Variants in ZNF765 observed in about 807,000 individuals in gnomAD.
ZNF765 encodes zinc finger protein 765.
A neutral mutation model predicts 44.7 loss-of-function variants in ZNF765; 37 were observed. The ratio of observed to expected loss-of-function variants is 0.83; its 90% CI spans 0.64 to 1.09. ZNF765 has a LOEUF of 1.09. Among genes scored for constraint, ZNF765 ranks in the 50% least tolerant of loss-of-function variants. ZNF765 has a pLI of 0.00. For missense variants in ZNF765, 594 were observed against 626.1 expected, an observed-to-expected ratio of 0.95 and a Z score of 0.55; for synonymous variants, 201 against 213.7, an observed-to-expected ratio of 0.94 and a Z score of 0.52.
At chr19:53,414,179 T>G (rs1281943578), downstream of ZNF765, among the ~76,000 whole-genome samples, 1 of 134,928 alleles carries the variant, frequency 7.4e-6, no homozygotes, top group Admixed American at 9.2e-5. Flanking sequence ...AGGCGGAAGT[T>G]GCAGTGAGCC....
intron 1 of ZNF765, among the ~76,000 whole-genome samples, chr19:53,397,337 A>G (rs1177922500): frequency 2.6e-5 from 4 of 152,192 alleles, no homozygotes; most frequent in South Asian, 2.1e-4. Flanking sequence ...TTCATTAGTG[A>G]TGATTCCAAG....
At chr19:53,420,442 T>A (rs1220448557) in intron 3 of ZNF765, among the ~76,000 whole-genome samples, 1 of 152,230 alleles carries the variant, frequency 6.6e-6, no homozygotes, top group Admixed American at 6.5e-5. Context: ...ATATGTTCTA[T>A]ATTAACACCT....
At chr19:53,412,721 A>T (rs887318565), downstream of ZNF765, among the ~76,000 whole-genome samples, 1 of 152,118 alleles carries the variant, frequency 6.6e-6, no homozygotes, top group Non-Finnish European at 1.5e-5. Context: ...GGGTTTCACC[A>T]TATTGGCCAG....
At chr19:53,422,019 T>C (rs2085910550) in intron 3 of ZNF765, among the ~76,000 whole-genome samples, 1 of 152,122 alleles carries the variant, frequency 6.6e-6, no homozygotes, top group Non-Finnish European at 1.5e-5. Context: ...TGAGGCAGAT[T>C]CCTGTAATTT....
chr19:53,402,329 T>G, intron 3 of ZNF765, 138 bp downstream of exon 3: 1 of 1,436,490 alleles, frequency 7.0e-7, no homozygotes, highest in Non-Finnish European at 9.2e-7. Flanking sequence ...TGATCTCGGC[T>G]CACGGCCAGC....
Position 53,408,200 on chromosome 19 carries a change from C to A in ZNF765, c.645C>A (p.Phe215Leu). The part of the protein sequence containing the change: ...KQEVHMREKS[F>L]QCNDSGKAYN... ...AAGTACATATGAGGGAAAAATCTTT[C>A]CAATGCAATGACAGTGGCAAAGCCT... Residue 215 changes from phenylalanine to leucine, a missense_variant, in exon 4 of 4, where the codon TTC becomes TTA. Phe to Leu is a conservative substitution (Grantham distance 22). Coordinates refer to ENST00000396408, the MANE Select transcript of ZNF765 (RefSeq NM_001040185.3). 3 of 1,614,154 alleles carry A rather than the reference C, an allele frequency of 1.9e-6. No individual in the cohort carries two copies.
At chr19:53,402,986 C>A (rs769526469) in intron 3 of ZNF765, among the ~76,000 whole-genome samples, 6 of 151,964 alleles carry the variant, frequency 3.9e-5, no homozygotes, top group Non-Finnish European at 8.8e-5. Flanking sequence ...ACCACCCTGG[C>A]CAACAGGGTG....
intron 2 of ZNF765, among the ~76,000 whole-genome samples, chr19:53,400,272 A>C (rs570568342): frequency 2.0e-5 from 3 of 152,304 alleles, no homozygotes; most frequent in South Asian, 2.1e-4. Flanking sequence ...GTAAACGTGG[A>C]TAGCTTGCTC....
chr19:53,396,323 T>G (rs113083336), intron 1 of ZNF765, among the ~76,000 whole-genome samples: 7,847 of 151,174 alleles, frequency 0.052, 270 homozygotes, highest in Middle Eastern at 0.12. Context: ...GGAAACTAAG[T>G]ACTAGAGAGA....
downstream of ZNF765, among the ~76,000 whole-genome samples, chr19:53,414,731 T>C (rs1027990340): frequency 6.7e-6 from 1 of 148,856 alleles, no homozygotes; most frequent in East Asian, 2.0e-4. Flanking sequence ...GTTGTCTGTC[T>C]TGGGGAGAAT....
chr19:53,399,362 C>G (rs931639687), intron 2 of ZNF765, among the ~76,000 whole-genome samples: 39 of 151,982 alleles, frequency 2.6e-4, no homozygotes, highest in Admixed American at 2.0e-3. Flanking sequence ...TCAGGCATCT[C>G]CCTTCCCTGT....
chr19:53,403,386 A>T (rs1199673139), intron 3 of ZNF765, among the ~76,000 whole-genome samples: 1 of 151,784 alleles, frequency 6.6e-6, no homozygotes, highest in Non-Finnish European at 1.5e-5. Context: ...TTCATTTCTC[A>T]TTTACTACTT....
At position 53,400,104 on chromosome 19, in the gene ZNF765, A is replaced by G. The variant is rs536529355; in HGVS notation, c.16-1961A>G. Among the ~76,000 whole-genome samples, 5 of 152,216 alleles carry G rather than the reference A, an allele frequency of 3.3e-5. No homozygotes were observed. In the East Asian group the frequency reaches 7.7e-4, roughly 24 times the overall value. ...TGGGATTACAGGCATGAGCCACCGC[A>G]TCTGGCCCCCAGTAGTTATTTTTTC... On this transcript the variant is annotated intron_variant, in intron 2 of 3. Coordinates refer to ENST00000396408, the MANE Select transcript of ZNF765 (RefSeq NM_001040185.3).
At chr19:53,404,758 C>T (rs1431073370) in intron 3 of ZNF765, among the ~76,000 whole-genome samples, 2 of 152,176 alleles carry the variant, frequency 1.3e-5, no homozygotes, top group East Asian at 3.9e-4. Context: ...CCATGCCTGG[C>T]CAGCCTCAAA....
At chr19:53,404,380 T>A (rs1438660918) in intron 3 of ZNF765, among the ~76,000 whole-genome samples, 1 of 152,184 alleles carries the variant, frequency 6.6e-6, no homozygotes, top group Non-Finnish European at 1.5e-5. Context: ...CCGGCCTGTC[T>A]TTTTATTTAC....
chr19:53,406,085 C>G (rs7254693), intron 3 of ZNF765, among the ~76,000 whole-genome samples: 2,543 of 141,322 alleles, frequency 0.018, 100 homozygotes, highest in Admixed American at 0.028. Flanking sequence ...CTGGAGTGCA[C>G]AGGTGCAATC....
At chr19:53,420,743 T>TA (rs748415588) in intron 3 of ZNF765, among the ~76,000 whole-genome samples, 104 of 152,130 alleles carry the variant, frequency 6.8e-4, no homozygotes, top group Admixed American at 2.0e-4. Flanking sequence ...TGTGCTTTGT[T>TA]AAAAAAGTGC....
intron 3 of ZNF765, among the ~76,000 whole-genome samples, chr19:53,417,444 G>A (rs2085882020): frequency 1.3e-5 from 2 of 152,128 alleles, no homozygotes; most frequent in African/African-American, 4.8e-5. Flanking sequence ...CCATGTCCCT[G>A]CAAAGGACAT....
At chr19:53,413,295 A>G, downstream of ZNF765, 2 of 587,174 alleles carry the variant, frequency 3.4e-6, no homozygotes, top group Non-Finnish European at 6.6e-6. Context: ...TAATAAAATC[A>G]GGTACAACTT....
Sources: allele counts gnomAD v4.1 joint callset (sites outside exome capture counted in the v4.1 genomes callset), GRCh38; gene constraint gnomAD v4.1.1; transcripts MANE v1.5; gene names NCBI Gene and HGNC (gene_info 2026-07-23, HGNC 2026-07-21).